LRP6: variants seen among roughly 807,000 people sequenced by gnomAD.
The protein encoded by LRP6 is low-density lipoprotein receptor-related protein 6.
A neutral mutation model predicts 184.1 loss-of-function variants in LRP6; 43 were observed. That is an observed-to-expected ratio of 0.23 (90% CI 0.18 to 0.30). The LOEUF (loss-of-function observed/expected upper bound fraction) is 0.30, where lower values mean the gene tolerates loss of function less well. Among genes scored for constraint, LRP6 ranks in the 10% least tolerant of loss-of-function variants. The pLI is 1.00. For missense variants in LRP6, 1,571 were observed against 2,005.3 expected, an observed-to-expected ratio of 0.78 and a Z score of 4.14; for synonymous variants, 719 against 684.9, an observed-to-expected ratio of 1.05 and a Z score of -0.78.
intron 14 of LRP6, 139 bp downstream of exon 14, chr12:12,148,803 G>A (rs1407616207): frequency 4.0e-6 from 3 of 757,444 alleles, no homozygotes; most frequent in East Asian, 2.5e-5. Context: ...TTAAGATAAT[G>A]CAGAAACAAA....
chr12:12,199,792 C>T (rs1198235879), intron 3 of LRP6, among the ~76,000 whole-genome samples: 3 of 151,530 alleles, frequency 2.0e-5, no homozygotes, highest in African/African-American at 7.3e-5. Context: ...GGTGAAATCC[C>T]GCCTCTACTA....
Position 12,150,859 on chromosome 12 carries a change from T to C in LRP6, c.2971A>G (p.Lys991Glu). ...ACCTGGCTGCCATCTTCTTGTGCCT[T>C]TCGGATCATGTTTTGTCGTGAGTCA... ...WIDSRQNMIRKAQEDGSQGFT... is the reference protein window; with the variant it reads ...WIDSRQNMIREAQEDGSQGFT... Residue 991 changes from lysine (K) to glutamate (E), a missense_variant, in exon 13 of 23, where the codon AAG becomes GAG. Coordinates refer to ENST00000261349, the MANE Select transcript of LRP6 (RefSeq NM_002336.3). 6.2e-7 allele frequency: 1 copy of C among 1,613,924 alleles called. No homozygotes were observed. The highest frequency in any genetic ancestry group is 8.5e-7 in the Non-Finnish European group (1 of 1,179,998).
At position 12,203,273 on chromosome 12, in the gene LRP6, C is replaced by T. The variant is rs142393548; in HGVS notation, c.577G>A (p.Glu193Lys). ...GCATCTGCCCAATAAAGCTTTTGTTCTTCATAATCCAAAGTCAGTCCATTT... is the reference window on the plus strand; with the variant it reads ...GCATCTGCCCAATAAAGCTTTTGTTTTTCATAATCCAAAGTCAGTCCATTT... ...WPNGLTLDYEEQKLYWADAKL... is the reference protein window; with the variant it reads ...WPNGLTLDYEKQKLYWADAKL... The change falls in exon 3 of 23, where the codon GAA becomes AAA. Residue 193 changes from glutamate (E) to lysine (K), a missense_variant. Coordinates refer to ENST00000261349, the MANE Select transcript of LRP6 (RefSeq NM_002336.3). 3.2e-5 allele frequency: 52 copies of T among 1,613,736 alleles called. No individual in the cohort carries two copies. The Middle Eastern group carries it at 1.2e-3, about 36-fold the overall frequency.
chr12:12,163,063 C>T (rs1340394378), intron 9 of LRP6, among the ~76,000 whole-genome samples: 1 of 152,130 alleles, frequency 6.6e-6, no homozygotes, highest in African/African-American at 2.4e-5. Context: ...GCAACTTCTG[C>T]CTCCCAGGTT....
chr12:12,150,722 T>TCATACACA (rs760788957), intron 13 of LRP6, 114 bp downstream of exon 13: 13 of 1,109,390 alleles, frequency 1.2e-5, no homozygotes, highest in Non-Finnish European at 1.7e-5. Context: ...AATTTCAGTT[T>TCATACACA]CATACACACA....
At chr12:12,234,455 A>C (rs1591973468) in intron 2 of LRP6, among the ~76,000 whole-genome samples, 1 of 152,118 alleles carries the variant, frequency 6.6e-6, no homozygotes, top group African/African-American at 2.4e-5. Flanking sequence ...GTCTCAAAAA[A>C]AAAAAGTTAA....
chr12:12,185,854 T>G (rs918908083), intron 4 of LRP6, among the ~76,000 whole-genome samples: 13 of 151,744 alleles, frequency 8.6e-5, no homozygotes, highest in African/African-American at 2.7e-4. Flanking sequence ...TTTGTTTTTT[T>G]TTTTTTTGAG....
chr12:12,168,764 A>G (rs1283760330), intron 7 of LRP6, among the ~76,000 whole-genome samples: 1 of 152,228 alleles, frequency 6.6e-6, no homozygotes, highest in African/African-American at 2.4e-5. Flanking sequence ...TGAGATGGCA[A>G]GAGAGGTCCA....
chr12:12,249,698 AG>A (rs1426154000), intron 1 of LRP6, among the ~76,000 whole-genome samples: 1 of 137,756 alleles, frequency 7.3e-6, no homozygotes. Context: ...GAAGGAAGGA[AG>A]GAAGGAAGGA....
Position 12,267,003 on chromosome 12 carries a change from C to T in LRP6, c.-268G>A, listed in dbSNP as rs1865792004. On this transcript the variant is annotated 5_prime_UTR_variant, in exon 1 of 23. Transcript: ENST00000261349. ...CCGGCGCCCCGCTTCCCCCGCGCAGCTCCTCATTCAGCCTCTGCCTCGCGC... is the reference window on the plus strand; with the variant it reads ...CCGGCGCCCCGCTTCCCCCGCGCAGTTCCTCATTCAGCCTCTGCCTCGCGC... 3.8e-6 allele frequency: 2 copies of T among 521,692 alleles called. No individual in the cohort carries two copies. Among genetic ancestry groups the T allele is most frequent in the African/African-American group, 2.1e-5 (1 of 48,478 alleles). The allele number at this position is 521,692 out of a possible 1,614,324, so 32.3% of individuals were successfully genotyped here.
chr12:12,264,843 G>C (rs1041573434), intron 1 of LRP6, among the ~76,000 whole-genome samples: 4 of 152,074 alleles, frequency 2.6e-5, no homozygotes, highest in Non-Finnish European at 5.9e-5. Flanking sequence ...CATTTAAAAC[G>C]AGAGCTCCAC....
Position 12,244,186 on chromosome 12 carries a change from G to C in LRP6, c.449+76C>G, listed in dbSNP as rs1209325231. The stretch of plus-strand genomic sequence containing the variant: ...TTTTCGATCTTTCTTTTCTCATAGG[G>C]GTCAGGGTGGTGTATGTCAGTGGAG... On this transcript the variant is annotated intron_variant, in intron 2 of 22. Transcript: ENST00000261349. 5.0e-6 allele frequency: 7 copies of C among 1,401,860 alleles called. No homozygotes were observed. In the South Asian group the frequency reaches 8.2e-5, roughly 16 times the overall value. 86.8% of individuals were successfully genotyped at this position (1,401,860 alleles called of 1,614,324 possible). A position where few individuals can be genotyped will look rare whatever the true frequency, so the allele number is the denominator to read the frequency against.
Position 12,162,300 on chromosome 12 carries a change from T to C in LRP6, c.2172A>G (p.Thr724=). The change falls in exon 10 of 23, where the codon ACA becomes ACG. Residue 724 remains threonine, a synonymous_variant. Coordinates refer to ENST00000261349, the MANE Select transcript of LRP6 (RefSeq NM_002336.3). ...TTGACACCTCAATTCGATTCGTTCC[T>C]GTGTCTGCCCAGTACAAGTTCTTCC... The part of the protein sequence containing the change: ...WLGKNLYWAD[T]GTNRIEVSKL... 4 of 1,614,176 alleles carry C rather than the reference T, an allele frequency of 2.5e-6. No homozygotes were observed. The highest frequency in any genetic ancestry group is 3.4e-6 in the Non-Finnish European group (4 of 1,180,020).
intron 19 of LRP6, among the ~76,000 whole-genome samples, chr12:12,130,079 A>G (rs2136858875): frequency 6.6e-6 from 1 of 152,302 alleles, no homozygotes; most frequent in South Asian, 2.1e-4. Context: ...CAGGTTAAGC[A>G]TCATTCTCTT....
intron 17 of LRP6, among the ~76,000 whole-genome samples, chr12:12,134,542 G>A (rs1420243205): frequency 6.6e-6 from 1 of 152,046 alleles, no homozygotes; most frequent in Non-Finnish European, 1.5e-5. Flanking sequence ...TACTACAACA[G>A]TATCACTATA....
rs553143741 is a variant in LRP6, at chr12:12,147,520, A to G, written c.3243T>C (p.Pro1081=). 2 of 1,614,112 alleles carry G rather than the reference A, an allele frequency of 1.2e-6. No homozygotes were observed. The highest frequency in any genetic ancestry group is 2.2e-5 in the South Asian group (2 of 91,080). Residue 1081 remains proline, a synonymous_variant, in exon 15 of 23, where the codon CCT becomes CCC. Coordinates refer to ENST00000261349, the MANE Select transcript of LRP6 (RefSeq NM_002336.3). ...MYFTNLQERS[P]KIERAALDGT... Reference sequence around the variant, plus strand: ...CATCCAAAGCAGCCCGTTCAATTTTAGGAGACCTTTCCTGAAGATTGGTAA... The same window carrying G: ...CATCCAAAGCAGCCCGTTCAATTTTGGGAGACCTTTCCTGAAGATTGGTAA...
At chr12:12,228,163 G>A (rs1022143059) in intron 2 of LRP6, among the ~76,000 whole-genome samples, 1 of 152,150 alleles carries the variant, frequency 6.6e-6, no homozygotes, top group Non-Finnish European at 1.5e-5. Context: ...CTGAGGTCGG[G>A]AGCTCAGGAC....
At chr12:12,204,536 T>A (rs75431901) in intron 2 of LRP6, among the ~76,000 whole-genome samples, 6,235 of 151,814 alleles carry the variant, frequency 0.041, 175 homozygotes, top group Middle Eastern at 0.16. Context: ...TACTTTTGCT[T>A]CTATTCCACA....
chr12:12,138,304 C>T (rs1949875384), intron 16 of LRP6, 21 bp downstream of exon 16: 2 of 1,577,768 alleles, frequency 1.3e-6, no homozygotes, highest in Admixed American at 1.7e-5. Context: ...CTCCAATTAG[C>T]TTTATCCCAT....
Sources: gnomAD v4.1 joint callset for allele counts (sites outside exome capture counted in the v4.1 genomes callset) on GRCh38, gnomAD v4.1.1 for gene constraint, MANE v1.5 for transcripts, NCBI Gene and HGNC (gene_info 2026-07-23, HGNC 2026-07-21) for gene names.